Variants in PRSS23 observed in about 807,000 individuals in gnomAD.
PRSS23 encodes serine protease 23.
PRSS23 carries 25 observed loss-of-function variants against 34.7 expected under a neutral mutation model. That is an observed-to-expected ratio of 0.72 (90% CI 0.53 to 1.01). The LOEUF (loss-of-function observed/expected upper bound fraction) is 1.01, where lower values mean the gene tolerates loss of function less well. PRSS23 is among the 50% of genes least tolerant of loss of function. PRSS23 has a pLI of 0.00. For synonymous variants in PRSS23, 176 were observed against 186.6 expected, an observed-to-expected ratio of 0.94 and a Z score of 0.46; for missense variants, 445 against 475.6, an observed-to-expected ratio of 0.94 and a Z score of 0.60.
intron 1 of PRSS23, among the ~76,000 whole-genome samples, chr11:86,806,759 A>T (rs570080469): frequency 6.6e-6 from 1 of 152,212 alleles, no homozygotes; most frequent in East Asian, 1.9e-4. Context: ...CCATTTAACA[A>T]ATCTTTGTCG....
intron 2 of PRSS23, among the ~76,000 whole-genome samples, chr11:86,939,422 A>AT (rs1395492928): frequency 1.1e-3 from 96 of 88,716 alleles, no homozygotes; most frequent in African/African-American, 3.1e-3. Context: ...ATATATATAT[A>AT]TATATTTTTT....
At chr11:86,936,925 C>A (rs1282955517) in intron 2 of PRSS23, 1 of 151,802 alleles carries the variant, frequency 6.6e-6, no homozygotes, top group South Asian at 2.1e-4. Flanking sequence ...TACACCCTTA[C>A]TCTTACATTT....
chr11:86,894,923 A>T (rs1948864713), intron 2 of PRSS23, among the ~76,000 whole-genome samples: 1 of 152,180 alleles, frequency 6.6e-6, no homozygotes, highest in South Asian at 2.1e-4. Flanking sequence ...CAAAGGTGAC[A>T]TTTTATTCAG....
At chr11:86,890,714 T>C (rs756100983) in intron 2 of PRSS23, among the ~76,000 whole-genome samples, 1 of 151,918 alleles carries the variant, frequency 6.6e-6, no homozygotes, top group Admixed American at 6.6e-5. Flanking sequence ...GGGGAAGGTG[T>C]TAAGTGAAAA....
chr11:86,926,105 G>C (rs184653190), intron 2 of PRSS23, among the ~76,000 whole-genome samples: 7 of 152,196 alleles, frequency 4.6e-5, no homozygotes. Context: ...GCTCACACCT[G>C]TAATCCCAGC....
chr11:86,886,165 G>A (rs1345423806), intron 2 of PRSS23, among the ~76,000 whole-genome samples: 1 of 152,110 alleles, frequency 6.6e-6, no homozygotes, highest in African/African-American at 2.4e-5. Context: ...GGAGATTGAG[G>A]CCAGCCTGGA....
chr11:86,801,142 A>C (rs1948032828), intron 1 of PRSS23, among the ~76,000 whole-genome samples: 1 of 152,188 alleles, frequency 6.6e-6, no homozygotes, highest in African/African-American at 2.4e-5. Flanking sequence ...GAAGTGCAAA[A>C]GTGCAGCAAA....
At chr11:86,877,001 C>A (rs1590907636) in intron 2 of PRSS23, among the ~76,000 whole-genome samples, 1 of 152,138 alleles carries the variant, frequency 6.6e-6, no homozygotes, top group South Asian at 2.1e-4. Flanking sequence ...ACGGCTGAGC[C>A]CTGGCCAAGC....
At chr11:86,939,431 T>TTTTTTTAAAAAATATATATATATA (rs1555084022) in intron 2 of PRSS23, among the ~76,000 whole-genome samples, 1 of 141,750 alleles carries the variant, frequency 7.1e-6, no homozygotes, top group Non-Finnish European at 1.5e-5. Context: ...TATATATTTT[T>TTTTTTTAAAAAATATATATATATA]TAACATGAGT....
intron 2 of PRSS23, among the ~76,000 whole-genome samples, chr11:86,876,024 A>G (rs1357450115): frequency 1.3e-5 from 2 of 152,086 alleles, no homozygotes; most frequent in Non-Finnish European, 2.9e-5. Context: ...CTTTTCTCCC[A>G]TTTTTGTCTA....
chr11:86,950,119 C>A (rs995566875), intron 2 of PRSS23: 2 of 152,554 alleles, frequency 1.3e-5, no homozygotes, highest in African/African-American at 4.8e-5. Context: ...AATTGACACA[C>A]AAAAATTACA....
chr11:86,800,698 C>G lies in PRSS23; in HGVS notation c.-14+47C>G, dbSNP rs534357432. The stretch of plus-strand genomic sequence containing the variant: ...GGCATCCGCCCGGGCGCGGGAGAGG[C>G]GAGGCGCCGGGAGGAGCGGGACAAA... On this transcript the variant is annotated intron_variant, in intron 1 of 1. Transcript: ENST00000280258. The G allele has an allele frequency of 4.2e-6, 4 of 958,068 alleles. No individual in the cohort carries two copies. The South Asian group carries it at 1.9e-4, about 46-fold the overall frequency. 59.3% of individuals were successfully genotyped at this position (958,068 alleles called of 1,614,324 possible).
chr11:86,861,736 C>G (rs1166988162), intron 2 of PRSS23, among the ~76,000 whole-genome samples: 1 of 151,528 alleles, frequency 6.6e-6, no homozygotes, highest in African/African-American at 2.4e-5. Context: ...GGTGTACACC[C>G]CCCTGTGATA....
At chr11:86,951,753 A>T (rs1327276009) in exon 3 of PRSS23, 1 of 1,614,192 alleles carries the variant, frequency 6.2e-7, no homozygotes, top group East Asian at 2.2e-5. Flanking sequence ...TCATGACCCC[A>T]TTTGAGTCCT....
chr11:86,926,407 A>T (rs1949082125), intron 2 of PRSS23, among the ~76,000 whole-genome samples: 1 of 152,052 alleles, frequency 6.6e-6, no homozygotes, highest in Admixed American at 6.6e-5. Context: ...CTTCACCCTA[A>T]AAAAAAGTGT....
intron 2 of PRSS23, among the ~76,000 whole-genome samples, chr11:86,916,053 T>TCAAAA (rs887565776): frequency 3.3e-5 from 5 of 152,104 alleles, no homozygotes; most frequent in African/African-American, 7.2e-5. Context: ...GGACTCTGTC[T>TCAAAA]CAAAACAAAA....
At chr11:86,866,091 G>A (rs374123824) in intron 2 of PRSS23, among the ~76,000 whole-genome samples, 15 of 152,288 alleles carry the variant, frequency 9.8e-5, no homozygotes, top group African/African-American at 2.2e-4. Context: ...GTATTTCAAA[G>A]GTTGAGGTTC....
At chr11:86,833,277 G>C (rs1437841913) in intron 2 of PRSS23, 35 of 1,568,496 alleles carry the variant, frequency 2.2e-5, no homozygotes, top group Non-Finnish European at 2.8e-5. Context: ...TGGAGAGGAA[G>C]AAGTACATGG....
chr11:86,942,921 G>C (rs1949215439), intron 2 of PRSS23, among the ~76,000 whole-genome samples: 1 of 152,200 alleles, frequency 6.6e-6, no homozygotes, highest in Non-Finnish European at 1.5e-5. Context: ...GTTTATTTCT[G>C]TACACAGAAC....
Sources: allele counts gnomAD v4.1 joint callset (sites outside exome capture counted in the v4.1 genomes callset), GRCh38; gene constraint gnomAD v4.1.1; transcripts MANE v1.5; gene names NCBI Gene and HGNC (gene_info 2026-07-23, HGNC 2026-07-21).